Variants in SVIL observed in about 807,000 individuals in gnomAD.
SVIL encodes archvillin.
SVIL carries 101 observed loss-of-function variants against 240.4 expected under a neutral mutation model. That is an observed-to-expected ratio of 0.42 (90% confidence interval 0.36 to 0.50). The LOEUF (loss-of-function observed/expected upper bound fraction) is 0.50. Among genes scored for constraint, SVIL ranks in the 20% least tolerant of loss-of-function variants. The pLI is 0.01. For synonymous variants in SVIL, 999 were observed against 1,100.0 expected, an observed-to-expected ratio of 0.91 and a Z score of 1.82; for missense variants, 2,512 against 2,818.7, an observed-to-expected ratio of 0.89 and a Z score of 2.46.
chr10:29,556,430 C>T (rs1953941599), intron 3 of SVIL, among the ~76,000 whole-genome samples: 1 of 152,138 alleles, frequency 6.6e-6, no homozygotes, highest in Non-Finnish European at 1.5e-5. Context: ...TGAGTCAAAA[C>T]TACACACACA....
Position 29,524,610 on chromosome 10 carries a change from G to T in SVIL, c.2448C>A (p.Ala816=). The T allele has an allele frequency of 1.9e-6, 3 of 1,614,020 alleles. No homozygotes were observed. The highest frequency in any genetic ancestry group is 2.5e-6 in the Non-Finnish European group (3 of 1,180,018). Residue 816 remains alanine, a synonymous_variant, in exon 14 of 38, where the codon GCC becomes GCA. Transcript: ENST00000355867. The part of the protein sequence containing the change: ...GEPDSSTLSL[A]EKLALFNKLS... The stretch of plus-strand genomic sequence containing the variant: ...ATTTGTTAAACAAGGCCAACTTTTC[G>T]GCCAAGCTTAGAGTGGAGGAATCAG...
At chr10:29,686,515 T>G (rs529019043) in intron 2 of SVIL, 1 of 152,362 alleles carries the variant, frequency 6.6e-6, no homozygotes, top group East Asian at 1.9e-4. Flanking sequence ...GAACTCCACA[T>G]GATACTGCAA....
chr10:29,565,099 T>A (rs1801134650), intron 2 of SVIL, among the ~76,000 whole-genome samples: 2 of 152,264 alleles, frequency 1.3e-5, no homozygotes, highest in African/African-American at 4.8e-5. Context: ...AATAATGCAA[T>A]CCTTGAAATA....
chr10:29,643,939 G>T, intron 3 of SVIL: 2 of 515,078 alleles, frequency 3.9e-6, no homozygotes, highest in Admixed American at 3.9e-5. Flanking sequence ...CGTGGTTTAT[G>T]AGTCCTGGCT....
At chr10:29,603,763 T>C (rs919823745) in intron 1 of SVIL, among the ~76,000 whole-genome samples, 3 of 152,202 alleles carry the variant, frequency 2.0e-5, no homozygotes, top group Admixed American at 1.3e-4. Flanking sequence ...GAAAAGAGCA[T>C]TTAATGGGCA....
Position 29,550,621 on chromosome 10 carries a change from T to C in SVIL, c.803A>G (p.Gln268Arg). ...CCTGGGTCGGGCCTCAGGGGATAGC[T>C]GTGGGTCACCAAAGGAGGGGCTCCG... ...ASRSPSFGDPQLSPEARPSTG... is the reference protein window; with the variant it reads ...ASRSPSFGDPRLSPEARPSTG... The change falls in exon 6 of 38, where the codon CAG (glutamine) becomes CGG (arginine). Residue 268 changes from glutamine (Q) to arginine (R), a missense_variant. Coordinates refer to ENST00000355867, the MANE Select transcript of SVIL (RefSeq NM_021738.3). 6.2e-7 allele frequency: 1 copy of C among 1,612,636 alleles called. No homozygotes were observed. The highest frequency in any genetic ancestry group is 8.5e-7 in the Non-Finnish European group (1 of 1,179,374).
At chr10:29,659,897 G>A (rs925044752) in intron 2 of SVIL, among the ~76,000 whole-genome samples, 2 of 152,142 alleles carry the variant, frequency 1.3e-5, no homozygotes, top group African/African-American at 4.8e-5. Context: ...ATCAATGTAA[G>A]CCTCTCTTTT....
intron 13 of SVIL, among the ~76,000 whole-genome samples, chr10:29,526,066 A>G (rs16930386): frequency 0.15 from 22,599 of 152,162 alleles, 2,493 homozygotes; most frequent in African/African-American, 0.31. Flanking sequence ...TGAGGACATA[A>G]TTTTAAAGCA....
At chr10:29,723,167 T>A (rs1964089760) in intron 1 of SVIL, among the ~76,000 whole-genome samples, 1 of 152,204 alleles carries the variant, frequency 6.6e-6, no homozygotes, top group Non-Finnish European at 1.5e-5. Context: ...CCCAGGAATT[T>A]GAGACCAGCC....
At position 29,463,745 on chromosome 10, in the gene SVIL, G is replaced by A. The variant is rs11007600; in HGVS notation, c.6134-110C>T. The A allele has an allele frequency of 1.0e-4, 150 of 1,456,606 alleles. No individual in the cohort carries two copies. The African/African-American group carries it at 1.8e-3, about 18-fold the overall frequency. 90.2% of individuals were successfully genotyped at this position (1,456,606 alleles called of 1,614,324 possible). On this transcript the variant is annotated intron_variant, in intron 34 of 37. Transcript: ENST00000355867. Reference sequence around the variant, plus strand: ...TGTCCCTCTTGACTGCAGTGTCACAGGGGGAAACCCCCTTGGCCATCAAAC... The same window carrying A: ...TGTCCCTCTTGACTGCAGTGTCACAAGGGGAAACCCCCTTGGCCATCAAAC...
At chr10:29,621,917 G>A (rs987489313) in intron 1 of SVIL, among the ~76,000 whole-genome samples, 4 of 152,046 alleles carry the variant, frequency 2.6e-5, no homozygotes, top group African/African-American at 9.7e-5. Context: ...CATACACGTA[G>A]ACATACACAA....
chr10:29,587,999 G>A (rs575803632), intron 1 of SVIL, among the ~76,000 whole-genome samples: 4 of 152,206 alleles, frequency 2.6e-5, no homozygotes, highest in South Asian at 2.1e-4. Context: ...ACTGTACTAC[G>A]CATACAAGGA....
At chr10:29,509,335 GA>G (rs1949629609) in intron 17 of SVIL, among the ~76,000 whole-genome samples, 19 of 47,150 alleles carry the variant, frequency 4.0e-4, no homozygotes, top group South Asian at 8.8e-4. Context: ...GGGAGGGAGA[GA>G]GAGAGAGAGA....
At chr10:29,616,880 G>C (rs1005519474) in intron 1 of SVIL, among the ~76,000 whole-genome samples, 3 of 152,164 alleles carry the variant, frequency 2.0e-5, no homozygotes, top group Non-Finnish European at 4.4e-5. Flanking sequence ...ACGCCACGAA[G>C]CATGGCTAAT....
chr10:29,513,551 A>G (rs1437218693), intron 16 of SVIL, among the ~76,000 whole-genome samples: 1 of 152,194 alleles, frequency 6.6e-6, no homozygotes, highest in African/African-American at 2.4e-5. Flanking sequence ...ACAAACAAAC[A>G]AACAAAAACA....
rs148030010 is a variant in SVIL at position 29,531,268 on chromosome 10, G to A, written c.2030C>T (p.Thr677Met). ...ESDRCTSHSETPTVDDEEKVD... is the reference protein window; with the variant it reads ...ESDRCTSHSEMPTVDDEEKVD... Reference sequence around the variant, plus strand: ...CAGGTACTTGCCATCGACAGTTGGCGTTTCTGAATGTGAAGTGCACCTAGG... The same window carrying A: ...CAGGTACTTGCCATCGACAGTTGGCATTTCTGAATGTGAAGTGCACCTAGG... The change falls in exon 10 of 38, where the codon ACG becomes ATG. Residue 677 changes from threonine (T) to methionine (M), a missense_variant. Coordinates refer to ENST00000355867, the MANE Select transcript of SVIL (RefSeq NM_021738.3). 1,838 of 1,613,904 alleles carry A rather than the reference G, an allele frequency of 1.1e-3. 2 individuals carry two copies. The highest frequency in any genetic ancestry group is 1.7e-3 in the South Asian group (152 of 91,050).
At chr10:29,600,804 C>G (rs1956783316) in intron 1 of SVIL, among the ~76,000 whole-genome samples, 1 of 152,124 alleles carries the variant, frequency 6.6e-6, no homozygotes, top group Non-Finnish European at 1.5e-5. Context: ...AAAGACTGTT[C>G]TAACTAAAAC....
At chr10:29,561,731 G>A (rs1054638992) in intron 3 of SVIL, among the ~76,000 whole-genome samples, 1 of 152,192 alleles carries the variant, frequency 6.6e-6, no homozygotes, top group African/African-American at 2.4e-5. Flanking sequence ...GAGAGCCGAT[G>A]CGAGCACAGC....
chr10:29,632,719 G>A (rs1958147965), intron 1 of SVIL, among the ~76,000 whole-genome samples: 1 of 152,166 alleles, frequency 6.6e-6, no homozygotes, highest in Non-Finnish European at 1.5e-5. Flanking sequence ...TATGCATGTG[G>A]CAAAATTAAA....
Sources: gnomAD v4.1 joint callset for allele counts (sites outside exome capture counted in the v4.1 genomes callset) on GRCh38, gnomAD v4.1.1 for gene constraint, MANE v1.5 for transcripts, NCBI Gene and HGNC (gene_info 2026-07-23, HGNC 2026-07-21) for gene names.